Variants in PDE3B observed in about 807,000 individuals in gnomAD.
PDE3B encodes the protein phosphodiesterase 3B.
PDE3B carries 66 observed loss-of-function variants against 116.8 expected under a neutral mutation model. The observed-to-expected ratio is 0.56, with a 90% CI of 0.46 to 0.69. PDE3B has a LOEUF of 0.69. PDE3B is among the 30% of genes least tolerant of loss of function. The pLI is 0.00. For missense variants in PDE3B, 1,384 were observed against 1,368.1 expected, an observed-to-expected ratio of 1.01 and a Z score of -0.18; for synonymous variants, 595 against 533.6, an observed-to-expected ratio of 1.12 and a Z score of -1.59.
rs1179955475 is a variant in PDE3B, at chr11:14,666,494, G to A, written c.978+21441G>A. On this transcript the variant is annotated intron_variant, in intron 1 of 15. Transcript: ENST00000282096. ...AAGAAACTACCATCAGAGTGAACAG[G>A]CAACCTACAAAATGGGAGAAAATTT... 5.0e-3 allele frequency among the ~76,000 whole-genome samples: 754 copies of A among 149,962 alleles called. 6 individuals carry two copies. Among genetic ancestry groups the A allele is most frequent in the Non-Finnish European group, 9.3e-3 (622 of 66,834 alleles).
chr11:14,853,964 A>G (rs1303603378), intron 12 of PDE3B, among the ~76,000 whole-genome samples: 1 of 152,238 alleles, frequency 6.6e-6, no homozygotes, highest in African/African-American at 2.4e-5. Flanking sequence ...ATGGATTAAG[A>G]TGACTAAACA....
At chr11:14,705,985 A>G (rs1855521492) in intron 1 of PDE3B, among the ~76,000 whole-genome samples, 1 of 151,922 alleles carries the variant, frequency 6.6e-6, no homozygotes, top group Non-Finnish European at 1.5e-5. Context: ...TACTAAAGCA[A>G]ACAAAATACT....
At chr11:14,711,499 G>A (rs1272049837) in intron 1 of PDE3B, among the ~76,000 whole-genome samples, 2 of 152,146 alleles carry the variant, frequency 1.3e-5, no homozygotes, top group African/African-American at 2.4e-5. Flanking sequence ...TTCTGGGGAG[G>A]CCTCAGGAAG....
intron 1 of PDE3B, among the ~76,000 whole-genome samples, chr11:14,752,345 C>G (rs1857077403): frequency 6.6e-6 from 1 of 152,066 alleles, no homozygotes; most frequent in African/African-American, 2.4e-5. Context: ...TTTACTTTCT[C>G]TTTAGTGGTA....
chr11:14,722,077 C>T (rs191470436), intron 1 of PDE3B, among the ~76,000 whole-genome samples: 2 of 150,772 alleles, frequency 1.3e-5, no homozygotes, highest in East Asian at 3.9e-4. Context: ...CAAAACACCG[C>T]ATGTTCTCAC....
chr11:14,694,887 A>G (rs1855156723), intron 1 of PDE3B, among the ~76,000 whole-genome samples: 1 of 152,192 alleles, frequency 6.6e-6, no homozygotes, highest in Non-Finnish European at 1.5e-5. Flanking sequence ...TGGAGATTAA[A>G]TAATGGTTTT....
intron 15 of PDE3B, among the ~76,000 whole-genome samples, chr11:14,868,014 C>G (rs1202431830): frequency 6.6e-6 from 1 of 152,136 alleles, no homozygotes; most frequent in Non-Finnish European, 1.5e-5. Context: ...TTAATAACTG[C>G]ATATATCCAT....
intron 2 of PDE3B, among the ~76,000 whole-genome samples, chr11:14,778,541 A>G (rs568768779): frequency 2.6e-5 from 4 of 152,342 alleles, no homozygotes; most frequent in African/African-American, 9.6e-5. Flanking sequence ...CACTGGTGAT[A>G]TCCAGGCAAA....
chr11:14,789,360 G>A (rs569489906), intron 4 of PDE3B, 118 bp downstream of exon 4: 9 of 696,382 alleles, frequency 1.3e-5, no homozygotes, highest in Admixed American at 8.7e-5. Flanking sequence ...TTTAGGTATA[G>A]GACAACATGT....
intron 12 of PDE3B, among the ~76,000 whole-genome samples, chr11:14,845,089 T>A (rs1047242422): frequency 2.6e-5 from 4 of 151,040 alleles, no homozygotes; most frequent in African/African-American, 9.8e-5. Flanking sequence ...AGGCACCCCC[T>A]AGTAGGGGCA....
chr11:14,751,996 A>G (rs1857069571), intron 1 of PDE3B, among the ~76,000 whole-genome samples: 1 of 152,166 alleles, frequency 6.6e-6, no homozygotes, highest in African/African-American at 2.4e-5. Flanking sequence ...ATGTGAGGTA[A>G]ATCTTTTCAG....
At chr11:14,830,614 A>G in intron 7 of PDE3B, 84 bp from the exon 8 acceptor site, 1 of 547,094 alleles carries the variant, frequency 1.8e-6, no homozygotes, top group East Asian at 3.6e-5. Context: ...TTATCTAAAT[A>G]TTTTTAACAA....
At chr11:14,885,716 A>C in the PDE3B span, 1 of 1,562,242 alleles carries the variant, frequency 6.4e-7, no homozygotes. Context: ...TAAAACTTAA[A>C]ATAAGGAATG....
chr11:14,839,802 T>C (rs1331750368), intron 11 of PDE3B, among the ~76,000 whole-genome samples: 5 of 152,178 alleles, frequency 3.3e-5, no homozygotes, highest in South Asian at 4.1e-4. Flanking sequence ...AATAGCTCCA[T>C]TGAGCAAGAA....
chr11:14,879,359 T>C, the PDE3B span: 1 of 1,611,992 alleles, frequency 6.2e-7, no homozygotes, highest in Non-Finnish European at 8.5e-7. Flanking sequence ...CAAAACTGCC[T>C]CAGTATAAGG....
At chr11:14,753,109 T>C (rs184709362) in intron 1 of PDE3B, among the ~76,000 whole-genome samples, 13 of 152,216 alleles carry the variant, frequency 8.5e-5, no homozygotes, top group Admixed American at 1.3e-4. Flanking sequence ...TCACCATCCA[T>C]TGGATCATAG....
Position 14,823,660 on chromosome 11 carries a change from A to G in PDE3B, c.1807+4451A>G, listed in dbSNP as rs74237087. Reference sequence around the variant, plus strand: ...CAAACCTCCCTGGGATGGAGCTCCCAGAGGGATAGGGGGACTGCCATCTTT... The same window carrying G: ...CAAACCTCCCTGGGATGGAGCTCCCGGAGGGATAGGGGGACTGCCATCTTT... On this transcript the variant is annotated intron_variant, in intron 7 of 15. Transcript: ENST00000282096. Among the ~76,000 whole-genome samples, 74 of 152,246 alleles carry G rather than the reference A, an allele frequency of 4.9e-4. No homozygotes were observed. The East Asian group carries it at 0.011, about 23-fold the overall frequency.
the PDE3B span, chr11:14,886,951 G>A: frequency 3.9e-5 from 6 of 152,238 alleles, no homozygotes; most frequent in South Asian, 4.1e-4. Context: ...TTTGGCACAC[G>A]GGTGGGCTCT....
chr11:14,700,159 T>C (rs1855322040), intron 1 of PDE3B, among the ~76,000 whole-genome samples: 1 of 151,784 alleles, frequency 6.6e-6, no homozygotes, highest in African/African-American at 2.4e-5. Context: ...TTGTATAGGC[T>C]TAATTGGTTA....
Sources: allele counts gnomAD v4.1 joint callset (sites outside exome capture counted in the v4.1 genomes callset), GRCh38; gene constraint gnomAD v4.1.1; transcripts MANE v1.5; gene names NCBI Gene and HGNC (gene_info 2026-07-23, HGNC 2026-07-21).